The following RAB27A variants were observed in gnomAD, a reference collection of about 807,000 sequenced individuals.
RAB27A encodes the protein RAB27A, member RAS oncogene family, also known as ras-related protein Rab-27A.
Under a neutral mutation model 20.8 loss-of-function variants are expected in RAB27A, and 17 were observed. The observed-to-expected ratio is 0.82, with a 90% confidence interval of 0.56 to 1.23. The LOEUF (loss-of-function observed/expected upper bound fraction) is 1.23. Ranked by LOEUF, RAB27A falls within the 50% of genes most tolerant of loss-of-function variation. The probability of loss-of-function intolerance (pLI) is 0.00; values close to 1 mark genes in which losing one functional copy is unlikely to be tolerated. For missense variants in RAB27A, 277 were observed against 266.7 expected (o/e 1.04, Z -0.27); for synonymous variants, 85 against 92.8 (o/e 0.92, Z 0.48).
In RAB27A at chr15:55,205,300, C is replaced by G. The variant is rs1566892587; in HGVS notation, c.*207G>C. The G allele has an allele frequency of 1.6e-6, 1 of 619,322 alleles. No individual in the cohort carries two copies. The highest frequency in any genetic ancestry group is 1.8e-5 in the African/African-American group (1 of 54,244). The allele number at this position is 619,322 out of a possible 1,614,324, so 38.4% of individuals were successfully genotyped here. On this transcript the variant is annotated 3_prime_UTR_variant, in exon 7 of 7. Coordinates refer to ENST00000336787, the MANE Select transcript of RAB27A (RefSeq NM_183235.3). Reference sequence around the variant, plus strand: ...CACTTTTGGCTCTGAAATATTTCTCCTAACTCTCAGGCTGAATCTTAAAGA... The same window carrying G: ...CACTTTTGGCTCTGAAATATTTCTCGTAACTCTCAGGCTGAATCTTAAAGA...
chr15:55,261,460 T>C (rs1897263813), intron 2 of RAB27A, among the ~76,000 whole-genome samples: 1 of 151,394 alleles, frequency 6.6e-6, no homozygotes, highest in Non-Finnish European at 1.5e-5. Context: ...CTGGGTACTG[T>C]GGCTTACACC....
intron 2 of RAB27A, among the ~76,000 whole-genome samples, chr15:55,249,522 C>T (rs1896811497): frequency 6.6e-6 from 1 of 152,148 alleles, no homozygotes. Flanking sequence ...CTCAAGTGAT[C>T]CTCCTATCTC....
intron 6 of RAB27A, among the ~76,000 whole-genome samples, chr15:55,220,242 T>C (rs991023950): frequency 1.4e-5 from 2 of 147,346 alleles, no homozygotes; most frequent in African/African-American, 5.1e-5. Context: ...CTGGGGTTTT[T>C]TTGTTTGTTT....
intron 2 of RAB27A, among the ~76,000 whole-genome samples, chr15:55,252,944 C>A (rs553237082): frequency 9.4e-4 from 142 of 151,864 alleles, no homozygotes; most frequent in Non-Finnish European, 1.8e-3. Flanking sequence ...ACCAGCTGGC[C>A]AACATGGTGA....
At chr15:55,306,703 G>A (rs551999308) in intron 2 of RAB27A, among the ~76,000 whole-genome samples, 4 of 152,290 alleles carry the variant, frequency 2.6e-5, no homozygotes, top group Admixed American at 1.3e-4. Flanking sequence ...CGGTGAAGGC[G>A]GGGTTTCCCT....
intron 1 of RAB27A, among the ~76,000 whole-genome samples, chr15:55,284,675 T>G (rs1898101739): frequency 2.0e-5 from 3 of 152,150 alleles, no homozygotes; most frequent in Admixed American, 2.0e-4. Flanking sequence ...AGAGATGTGA[T>G]TAAAGGTCAA....
At position 55,234,795 on chromosome 15, in the gene RAB27A, C is replaced by A; in HGVS notation, c.140G>T (p.Arg47Met). Residue 47 changes from arginine to methionine, a missense_variant, in exon 3 of 7, where the codon AGG (arginine) becomes ATG (methionine). Transcript: ENST00000336787. ...TATAGAACTTACCACTCTTTTTTCCCTGAAATCAATGCCCACTGTTGTGAT... is the reference window on the plus strand; with the variant it reads ...TATAGAACTTACCACTCTTTTTTCCATGAAATCAATGCCCACTGTTGTGAT... ...KFITTVGIDF[R>M]EKRVVYRASG... 6.2e-7 allele frequency: 1 copy of A among 1,611,144 alleles called. No individual in the cohort carries two copies. Among genetic ancestry groups the A allele is most frequent in the Non-Finnish European group, 8.5e-7 (1 of 1,177,664 alleles).
chr15:55,301,766 G>A lies in RAB27A; in HGVS notation c.-112+12273C>T, dbSNP rs528276906. On this transcript the variant is annotated intron_variant, in intron 2 of 5. Coordinates refer to the RAB27A transcript ENST00000563262. Reference sequence around the variant, plus strand: ...GTTCAAGCAATTCTCCTCCCTCAACGTCCTGAGTAGCTGGGACTACAGGCG... The same window carrying A: ...GTTCAAGCAATTCTCCTCCCTCAACATCCTGAGTAGCTGGGACTACAGGCG... Among the ~76,000 whole-genome samples the A allele has an allele frequency of 7.4e-5, 11 of 149,144 alleles. No homozygotes were observed. In the South Asian group the frequency reaches 1.1e-3, roughly 14 times the overall value.
chr15:55,257,687 T>C (rs1262724939), intron 2 of RAB27A, among the ~76,000 whole-genome samples: 1 of 152,138 alleles, frequency 6.6e-6, no homozygotes, highest in Non-Finnish European at 1.5e-5. Flanking sequence ...CCCATCTGAA[T>C]GTATCTCAAT....
chr15:55,296,609 G>C lies in RAB27A; in HGVS notation c.-112+17430C>G, dbSNP rs142304553. On this transcript the variant is annotated intron_variant, in intron 2 of 5. Transcript: ENST00000563262. ...ATGACAGTGACATGCAAAGGACACA[G>C]GATCCATCCTGAGGGAGGACTATTC... Among the ~76,000 whole-genome samples the C allele has an allele frequency of 1.5e-3, 227 of 152,298 alleles. 2 individuals are homozygous for C. In the East Asian group the frequency reaches 0.04, roughly 27 times the overall value.
intron 2 of RAB27A, among the ~76,000 whole-genome samples, chr15:55,246,154 A>G (rs1896677154): frequency 6.6e-6 from 1 of 151,780 alleles, no homozygotes; most frequent in African/African-American, 2.4e-5. Flanking sequence ...ACACCAAAAC[A>G]TACATCATTT....
At chr15:55,292,265 T>C (rs1035114844), upstream of RAB27A, among the ~76,000 whole-genome samples, 1 of 152,218 alleles carries the variant, frequency 6.6e-6, no homozygotes, top group Admixed American at 6.5e-5. Context: ...ACAACTACTT[T>C]ATGAAGTAGG....
At chr15:55,299,272 G>C (rs1011329885) in intron 2 of RAB27A, among the ~76,000 whole-genome samples, 1 of 152,174 alleles carries the variant, frequency 6.6e-6, no homozygotes, top group Non-Finnish European at 1.5e-5. Flanking sequence ...CATGGCTTCA[G>C]CCGGTCCCTC....
chr15:55,228,543 A>G (rs1377208850), intron 5 of RAB27A, 66 bp downstream of exon 5: 1 of 1,200,372 alleles, frequency 8.3e-7, no homozygotes, highest in Non-Finnish European at 1.2e-6. Flanking sequence ...GAAGTAGAGC[A>G]TAAGAGGGCA....
At chr15:55,236,520 C>T (rs993595234) in intron 2 of RAB27A, among the ~76,000 whole-genome samples, 4 of 152,034 alleles carry the variant, frequency 2.6e-5, no homozygotes, top group South Asian at 2.1e-4. Flanking sequence ...TCTTCAGTAC[C>T]GACTAAAACA....
chr15:55,235,821 C>G (rs559185542), intron 2 of RAB27A, among the ~76,000 whole-genome samples: 1 of 152,194 alleles, frequency 6.6e-6, no homozygotes, highest in South Asian at 2.1e-4. Context: ...CCACGGAATA[C>G]TACTCAGCCA....
At chr15:55,311,864 C>T (rs116560149) in intron 2 of RAB27A, among the ~76,000 whole-genome samples, 4,661 of 152,232 alleles carry the variant, frequency 0.031, 80 homozygotes, top group Non-Finnish European at 0.041. Context: ...GAGATCCCTT[C>T]GTGGTCACCA....
intron 6 of RAB27A, among the ~76,000 whole-genome samples, chr15:55,207,283 C>T (rs115127863): frequency 0.012 from 1,826 of 152,246 alleles, 36 homozygotes; most frequent in African/African-American, 0.042. Flanking sequence ...CCAGCAACAG[C>T]ACTCCTGGGT....
chr15:55,214,679 T>C (rs188008319), intron 6 of RAB27A, among the ~76,000 whole-genome samples: 6 of 152,334 alleles, frequency 3.9e-5, no homozygotes, highest in Admixed American at 3.9e-4. Flanking sequence ...GTCAATCTTT[T>C]TTCCTCCATC....
Sources: gnomAD v4.1 joint callset for allele counts (sites outside exome capture counted in the v4.1 genomes callset) on GRCh38, gnomAD v4.1.1 for gene constraint, MANE v1.5 for transcripts, NCBI Gene and HGNC (gene_info 2026-07-23, HGNC 2026-07-21) for gene names.